IGSF9B: variants seen among roughly 807,000 people sequenced by gnomAD.
The protein encoded by IGSF9B is immunoglobulin superfamily member 9B.
In IGSF9B, 48 loss-of-function variants were observed where a neutral mutation model predicts 143.7. The ratio of observed to expected loss-of-function variants is 0.33; its 90% CI spans 0.26 to 0.42. IGSF9B has a LOEUF of 0.42. Ranked by LOEUF, IGSF9B falls within the 20% of genes least tolerant of loss-of-function variation. The pLI is 1.00. For synonymous variants in IGSF9B, 903 were observed against 833.1 expected, an observed-to-expected ratio of 1.08 and a Z score of -1.44; for missense variants, 1,706 against 1,980.0, an observed-to-expected ratio of 0.86 and a Z score of 2.63.
At position 133,944,326 on chromosome 11, in the gene IGSF9B, T is replaced by G. The variant is rs772734726; in HGVS notation, c.303A>C (p.Glu101Asp). 6.2e-7 allele frequency: 1 copy of G among 1,613,912 alleles called. No homozygotes were observed. Among genetic ancestry groups the G allele is most frequent in the Non-Finnish European group, 8.5e-7 (1 of 1,179,868 alleles). ...AGCCCTGGTCCTCAGAGCGAACTTG[T>G]TCCAGCCGCAGAGATGCCTTATCAT... ...SLHDKASLRL[E>D]QVRSEDQGWY... Residue 101 changes from glutamate (E) to aspartate (D), a missense_variant, in exon 3 of 20, where the codon GAA becomes GAC. Physicochemically the swap from Glu to Asp is conservative, Grantham distance 45. Transcript: ENST00000533871.
Position 133,924,489 on chromosome 11 carries a change from C to A in IGSF9B, c.2119+331G>T, listed in dbSNP as rs75417568. ...TTTCCTCCGATTCACAGCCCCTCCC[C>A]GACAAGAGGAAACTGAAAATGTACA... On this transcript the variant is annotated intron_variant, in intron 15 of 19. Transcript: ENST00000533871. Among the ~76,000 whole-genome samples the A allele has an allele frequency of 4.6e-3, 700 of 152,262 alleles. 5 individuals carry two copies. The highest frequency in any genetic ancestry group is 0.012 in the African/African-American group (490 of 41,554).
At position 133,943,348 on chromosome 11, in the gene IGSF9B, G is replaced by A. The variant is rs554421522; in HGVS notation, c.409+872C>T. Among the ~76,000 whole-genome samples, 16 of 152,244 alleles carry A rather than the reference G, an allele frequency of 1.1e-4. 1 individual carries two copies. The highest frequency in any genetic ancestry group is 3.4e-4 in the African/African-American group (14 of 41,556). On this transcript the variant is annotated intron_variant, in intron 3 of 19. Transcript: ENST00000533871. ...TTAAAACCCGCTCCCCTCCCACGAC[G>A]GGGACCACTTCTCCTTCATCTTTTC...
chr11:133,952,119 G>C (rs1468735473), intron 1 of IGSF9B: 2 of 448,440 alleles, frequency 4.5e-6, no homozygotes, highest in Admixed American at 4.7e-5. Flanking sequence ...TTTCTCCAGA[G>C]CCCTCTTGGA....
intron 18 of IGSF9B, chr11:133,918,918 A>C (rs531979452): frequency 6.3e-5 from 29 of 458,474 alleles, no homozygotes; most frequent in Admixed American, 1.2e-4. Flanking sequence ...AGGAGAGAGA[A>C]AGACTGACTG....
In IGSF9B at chr11:133,921,064, G is replaced by A. The variant is rs990403202; in HGVS notation, c.2661C>T (p.Pro887=). Residue 887 remains proline, a synonymous_variant, in exon 18 of 20, where the codon CCC becomes CCT. Coordinates refer to ENST00000533871, the MANE Select transcript of IGSF9B (RefSeq NM_001277285.4). ...FPFAEETDMY[P]EFRQSDEENE... ...TCTCCTCGTCCGACTGGCGGAACTC[G>A]GGGTACATGTCCGTCTCCTCGGCGA... 7.4e-6 allele frequency: 12 copies of A among 1,613,770 alleles called. No individual in the cohort carries two copies. Among genetic ancestry groups the A allele is most frequent in the Middle Eastern group, 1.6e-4 (1 of 6,084 alleles).
chr11:133,912,967 G>A (rs1414122750), intron 18 of IGSF9B, among the ~76,000 whole-genome samples: 1 of 152,188 alleles, frequency 6.6e-6, no homozygotes, highest in Non-Finnish European at 1.5e-5. Context: ...GTGACACTCG[G>A]TGCATATTGG....
rs1180664546 is a variant in IGSF9B at position 133,912,429 on chromosome 11, G to A, written c.3984-422C>T. 6 of 453,722 alleles carry A rather than the reference G, an allele frequency of 1.3e-5. No individual in the cohort carries two copies. In the Admixed American group the frequency reaches 1.4e-4, roughly 11 times the overall value. 28.1% of individuals were successfully genotyped at this position (453,722 alleles called of 1,614,324 possible). A position where few individuals can be genotyped will look rare whatever the true frequency, so the allele number is the denominator to read the frequency against. ...AAGGGCATATTAGAGCAGGGGGCAA[G>A]CAGCTCCCATCCCAGTGAATCATCC... On this transcript the variant is annotated intron_variant, in intron 18 of 19. Coordinates refer to ENST00000533871, the MANE Select transcript of IGSF9B (RefSeq NM_001277285.4).
chr11:133,956,918 C>T lies in IGSF9B; in HGVS notation c.-164G>A. Reference sequence around the variant, plus strand: ...CCAGCTCTCCATCCCTCCTAGGCTCCGCTCGGCTCGGCGCGCGCCTCCCCG... The same window carrying T: ...CCAGCTCTCCATCCCTCCTAGGCTCTGCTCGGCTCGGCGCGCGCCTCCCCG... On this transcript the variant is annotated 5_prime_UTR_variant, in exon 1 of 20. Coordinates refer to ENST00000533871, the MANE Select transcript of IGSF9B (RefSeq NM_001277285.4). 1 of 391,978 alleles carries T rather than the reference C, an allele frequency of 2.6e-6. No individual in the cohort carries two copies. The highest frequency in any genetic ancestry group is 3.9e-5 in the East Asian group (1 of 25,700). The allele number at this position is 391,978 out of a possible 1,614,324, so 24.3% of individuals were successfully genotyped here.
chr11:133,902,849 C>T lies in IGSF9B; in HGVS notation c.*6220G>A, dbSNP rs934881698. ...GAGGCTCATCCCTCCACCAGAAATA[C>T]AGCTTCATAGACCACTATGCCAAAA... On this transcript the variant is annotated 3_prime_UTR_variant, in exon 20 of 20. Transcript: ENST00000533871. Among the ~76,000 whole-genome samples, 4 of 152,190 alleles carry T rather than the reference C, an allele frequency of 2.6e-5. No individual in the cohort carries two copies. Among genetic ancestry groups the T allele is most frequent in the Non-Finnish European group, 4.4e-5 (3 of 68,036 alleles).
intron 18 of IGSF9B, chr11:133,919,081 A>G: frequency 2.4e-6 from 1 of 409,438 alleles, no homozygotes; most frequent in South Asian, 1.6e-5. Context: ...TGGTCGCGGG[A>G]GCTGGTCTGT....
intron 1 of IGSF9B, among the ~76,000 whole-genome samples, chr11:133,950,817 C>G (rs906460398): frequency 1.3e-5 from 2 of 152,112 alleles, no homozygotes; most frequent in South Asian, 2.1e-4. Flanking sequence ...AAGCGGGGAA[C>G]GGAGTGAGCA....
intron 1 of IGSF9B, among the ~76,000 whole-genome samples, chr11:133,951,018 GT>G (rs1940148381): frequency 6.6e-6 from 1 of 151,988 alleles, no homozygotes; most frequent in Admixed American, 6.6e-5. Flanking sequence ...GCCCCCAATA[GT>G]CCCCCAACCC....
chr11:133,903,762 G>C lies in IGSF9B; in HGVS notation c.*5307C>G, dbSNP rs1337925287. Among the ~76,000 whole-genome samples the C allele has an allele frequency of 6.6e-6, 1 of 152,206 alleles. No individual in the cohort carries two copies. Among genetic ancestry groups the C allele is most frequent in the East Asian group, 1.9e-4 (1 of 5,188 alleles). The stretch of plus-strand genomic sequence containing the variant: ...ACTTGCTCCTGAAAGAAGGTTTTGA[G>C]AGTACAGACAGGAACCCAGAAATAA... On this transcript the variant is annotated 3_prime_UTR_variant, in exon 20 of 20. Coordinates refer to ENST00000533871, the MANE Select transcript of IGSF9B (RefSeq NM_001277285.4).
At chr11:133,930,891 C>G (rs915539815) in intron 11 of IGSF9B, 93 bp downstream of exon 11, 1 of 1,290,276 alleles carries the variant, frequency 7.8e-7, no homozygotes, top group Non-Finnish European at 1.1e-6. Context: ...CAGAGTGCAG[C>G]GGCCACCAGG....
In IGSF9B at chr11:133,901,879, C is replaced by CACACACACACA. The variant is rs766077017; in HGVS notation, c.*7179_*7189dup. On this transcript the variant is annotated 3_prime_UTR_variant, in exon 20 of 20. Coordinates refer to ENST00000533871, the MANE Select transcript of IGSF9B (RefSeq NM_001277285.4). ...CCACACACGCACCACACACGCACCA[C>CACACACACACA]ACACACACACAACACACACACAACA... Among the ~76,000 whole-genome samples the CACACACACACA allele has an allele frequency of 4.8e-4, 68 of 141,764 alleles. No homozygotes were observed. The highest frequency in any genetic ancestry group is 1.7e-3 in the African/African-American group (63 of 37,936). The allele number at this position is 141,764 out of a possible 152,430, so 93.0% of individuals were successfully genotyped here.
chr11:133,922,311 A>G, intron 16 of IGSF9B, 89 bp from the exon 17 acceptor site: 7 of 1,246,572 alleles, frequency 5.6e-6, no homozygotes, highest in Non-Finnish European at 8.1e-6. Flanking sequence ...GAGCCGGAGC[A>G]CCACCGCACA....
chr11:133,929,468 C>T (rs1360353178), intron 12 of IGSF9B, among the ~76,000 whole-genome samples: 1 of 152,146 alleles, frequency 6.6e-6, no homozygotes, highest in Non-Finnish European at 1.5e-5. Flanking sequence ...AGGGACACAG[C>T]CATGCCCAGA....
chr11:133,925,607 C>G (rs927332134), intron 14 of IGSF9B, 132 bp downstream of exon 14: 1 of 683,800 alleles, frequency 1.5e-6, no homozygotes, highest in Admixed American at 2.2e-5. Flanking sequence ...AATCCAGGAC[C>G]AGTGGTGAGG....
chr11:133,925,995 C>A (rs1050808352), intron 13 of IGSF9B, 30 bp from the exon 14 acceptor site: 2 of 1,504,200 alleles, frequency 1.3e-6, no homozygotes, highest in Admixed American at 1.9e-5. Context: ...AGAACCACAG[C>A]GCATCAGCGA....
Sources: gnomAD v4.1 joint callset for allele counts (sites outside exome capture counted in the v4.1 genomes callset) on GRCh38, gnomAD v4.1.1 for gene constraint, MANE v1.5 for transcripts, NCBI Gene and HGNC (gene_info 2026-07-23, HGNC 2026-07-21) for gene names.